ANLN: variants seen among roughly 807,000 people sequenced by gnomAD.
The protein encoded by ANLN is anillin.
In ANLN, 59 loss-of-function variants were observed where a neutral mutation model predicts 135.1. The observed-to-expected ratio is 0.44, with a 90% CI of 0.35 to 0.54. ANLN has a LOEUF of 0.54. Ranked by LOEUF, ANLN falls within the 20% of genes least tolerant of loss-of-function variation. The probability of loss-of-function intolerance (pLI) is 0.00; values close to 1 mark genes in which losing one functional copy is unlikely to be tolerated. For synonymous variants in ANLN, 406 were observed against 456.4 expected (o/e 0.89, Z 1.41); for missense variants, 1,182 against 1,340.0 (o/e 0.88, Z 1.84).
At chr7:36,446,346 A>G (rs1174944045) in intron 22 of ANLN, among the ~76,000 whole-genome samples, 2 of 151,908 alleles carry the variant, frequency 1.3e-5, no homozygotes, top group Non-Finnish European at 2.9e-5. Flanking sequence ...GGCCAGCATC[A>G]TTGAATGGTT....
chr7:36,404,744 C>T (rs1420728049), intron 3 of ANLN, among the ~76,000 whole-genome samples: 4 of 152,174 alleles, frequency 2.6e-5, no homozygotes. Flanking sequence ...ATAAAGGCTA[C>T]TTGAACACAA....
At chr7:36,439,442 C>A in intron 21 of ANLN, 152 bp downstream of exon 21, 1 of 574,848 alleles carries the variant, frequency 1.7e-6, no homozygotes, top group Non-Finnish European at 3.1e-6. Context: ...CACTGTGCTG[C>A]CATTGGAATG....
chr7:36,406,117 T>A, intron 3 of ANLN, 64 bp from the exon 4 acceptor site: 3 of 1,471,494 alleles, frequency 2.0e-6, no homozygotes, highest in Non-Finnish European at 2.7e-6. Context: ...AGAGTGATCC[T>A]GGTATTATAC....
intron 21 of ANLN, 49 bp downstream of exon 21, chr7:36,439,339 A>T: frequency 9.4e-7 from 1 of 1,061,116 alleles, no homozygotes; most frequent in Non-Finnish European, 1.4e-6. Context: ...ATTTTGTGAA[A>T]TACAGACTTG....
In ANLN at chr7:36,425,707, T is replaced by A; in HGVS notation, c.2715T>A (p.Ile905=). The A allele has an allele frequency of 6.2e-7, 1 of 1,609,714 alleles. No homozygotes were observed. The highest frequency in any genetic ancestry group is 8.5e-7 in the Non-Finnish European group (1 of 1,176,564). ...KKKKTSKSKA[I]TPKRLLTSIT... The stretch of plus-strand genomic sequence containing the variant: ...TAAGCTATCTTTTCTTTTAGGCTAT[T>A]ACTCCAAAGCGACTCCTCACATCTA... The change falls in exon 18 of 24, where the codon ATT becomes ATA. Residue 905 remains isoleucine (I), a synonymous_variant. Coordinates refer to ENST00000265748, the MANE Select transcript of ANLN (RefSeq NM_018685.5).
rs560129660 is a variant in ANLN at position 36,401,581 on chromosome 7, C to T, written c.487+2188C>T. 2.6e-3 allele frequency among the ~76,000 whole-genome samples: 365 copies of T among 138,748 alleles called. 33 individuals are homozygous for T. The highest frequency in any genetic ancestry group is 9.5e-3 in the African/African-American group (338 of 35,602). The allele number at this position is 138,748 out of a possible 152,430, so 91.0% of individuals were successfully genotyped here. A position where few individuals can be genotyped will look rare whatever the true frequency, so the allele number is the denominator to read the frequency against. The stretch of plus-strand genomic sequence containing the variant: ...CTTGAACTCCTGACCTCAGGTGATC[C>T]GCCTGCCGCGGCCTCCCAAAGTGCT... On this transcript the variant is annotated intron_variant, in intron 3 of 23. Coordinates refer to ENST00000265748, the MANE Select transcript of ANLN (RefSeq NM_018685.5).
At chr7:36,446,878 T>G (rs1311989146) in intron 22 of ANLN, among the ~76,000 whole-genome samples, 3 of 152,162 alleles carry the variant, frequency 2.0e-5, no homozygotes, top group Non-Finnish European at 4.4e-5. Context: ...TTGGTCTGTT[T>G]CCCTATCCCA....
At chr7:36,428,070 C>T (rs938400440) in intron 20 of ANLN, among the ~76,000 whole-genome samples, 3 of 152,094 alleles carry the variant, frequency 2.0e-5, no homozygotes, top group Non-Finnish European at 4.4e-5. Flanking sequence ...TCTTGTTTTC[C>T]AGTACAGAAA....
At position 36,407,869 on chromosome 7, in the gene ANLN, A is replaced by T; in HGVS notation, c.1009A>T (p.Thr337Ser). ...GGTATCGAAACCAATTGTGAAGTCAACTTTATCCCAGACAGTTCCATCCAA... is the reference window on the plus strand; with the variant it reads ...GGTATCGAAACCAATTGTGAAGTCATCTTTATCCCAGACAGTTCCATCCAA... ...TGVSKPIVKS[T>S]LSQTVPSKGE... Residue 337 changes from threonine (T) to serine (S), a missense_variant, in exon 5 of 24, where the codon ACT becomes TCT. Thr to Ser is a moderately conservative substitution (Grantham distance 58). This residue lies in a region of ANLN where 1,022 missense variants were observed against 1,134.0 expected (regional missense o/e 0.90). Transcript: ENST00000265748. The T allele has an allele frequency of 6.2e-7, 1 of 1,613,952 alleles. No homozygotes were observed. Among genetic ancestry groups the T allele is most frequent in the Non-Finnish European group, 8.5e-7 (1 of 1,179,858 alleles).
At chr7:36,401,080 A>T (rs903357495) in intron 3 of ANLN, among the ~76,000 whole-genome samples, 2 of 152,246 alleles carry the variant, frequency 1.3e-5, no homozygotes, top group African/African-American at 4.8e-5. Context: ...TCTGGAAGTG[A>T]TGATAATAAT....
At chr7:36,403,258 G>A (rs1052732951) in intron 3 of ANLN, among the ~76,000 whole-genome samples, 2 of 152,170 alleles carry the variant, frequency 1.3e-5, no homozygotes, top group Non-Finnish European at 1.5e-5. Flanking sequence ...AAGGGAGGAA[G>A]AGGTCAGATT....
intron 20 of ANLN, chr7:36,428,340 G>T: frequency 7.8e-7 from 1 of 1,282,866 alleles, no homozygotes; most frequent in Non-Finnish European, 1.0e-6. Context: ...AGAGCTACTG[G>T]GCTATTTGTT....
chr7:36,419,915 AC>A (rs1391862521), intron 10 of ANLN, among the ~76,000 whole-genome samples: 5 of 152,070 alleles, frequency 3.3e-5, no homozygotes, highest in Non-Finnish European at 7.4e-5. Context: ...ATTAGCTTTC[AC>A]CCTCAATTGA....
chr7:36,423,576 G>T (rs1787965338), intron 14 of ANLN, among the ~76,000 whole-genome samples: 1 of 152,076 alleles, frequency 6.6e-6, no homozygotes, highest in East Asian at 1.9e-4. Flanking sequence ...GAGAAATGTG[G>T]AGTGAAATTA....
At chr7:36,411,511 C>G (rs1199095190) in intron 7 of ANLN, among the ~76,000 whole-genome samples, 1 of 152,128 alleles carries the variant, frequency 6.6e-6, no homozygotes, top group African/African-American at 2.4e-5. Context: ...GACTGTATAC[C>G]TTTCCCCAGA....
intron 20 of ANLN, among the ~76,000 whole-genome samples, chr7:36,430,644 A>C (rs1188429104): frequency 6.6e-6 from 1 of 152,210 alleles, no homozygotes; most frequent in Non-Finnish European, 1.5e-5. Flanking sequence ...GAAGTAAAAC[A>C]ACCAATTAGG....
chr7:36,430,275 T>A (rs1788260547), intron 20 of ANLN, among the ~76,000 whole-genome samples: 1 of 152,338 alleles, frequency 6.6e-6, no homozygotes, highest in East Asian at 1.9e-4. Flanking sequence ...AATACAACAA[T>A]CACAGAGGTT....
rs1439550223 is a variant in ANLN at position 36,407,884 on chromosome 7, G to T, written c.1024G>T (p.Val342Phe). 3 of 1,613,750 alleles carry T rather than the reference G, an allele frequency of 1.9e-6. No homozygotes were observed. In the African/African-American group the frequency reaches 4.0e-5, roughly 22 times the overall value. Residue 342 changes from valine to phenylalanine, a missense_variant, in exon 5 of 24, where the codon GTT becomes TTT. By Grantham distance (50) the Val-to-Phe change is conservative (BLOSUM62 -1). Transcript: ENST00000265748. ...TGTGAAGTCAACTTTATCCCAGACA[G>T]TTCCATCCAAGGGAGAATTAAGTAG... Reference protein sequence around the residue: ...PIVKSTLSQTVPSKGELSREI... With the variant: ...PIVKSTLSQTFPSKGELSREI...
At chr7:36,408,571 G>A (rs778411004) in intron 5 of ANLN, among the ~76,000 whole-genome samples, 2 of 152,132 alleles carry the variant, frequency 1.3e-5, no homozygotes, top group Non-Finnish European at 2.9e-5. Context: ...TTGTCTTTAT[G>A]CTAGAAACAT....
Sources: gnomAD v4.1 joint callset for allele counts (sites outside exome capture counted in the v4.1 genomes callset) on GRCh38, gnomAD v4.1.1 for gene constraint, gnomAD v4.1.1 regional missense constraint, MANE v1.5 for transcripts, NCBI Gene and HGNC (gene_info 2026-07-23, HGNC 2026-07-21) for gene names.